Variants in BMPR1B observed in about 807,000 individuals in gnomAD.
BMPR1B encodes the protein bone morphogenetic protein receptor type-1B.
In BMPR1B, 12 loss-of-function variants were observed where a neutral mutation model predicts 59.1. The ratio of observed to expected loss-of-function variants is 0.20; its 90% CI spans 0.13 to 0.33. The LOEUF (loss-of-function observed/expected upper bound fraction) is 0.33. BMPR1B is among the 10% of genes least tolerant of loss of function. The pLI, the probability that BMPR1B is intolerant of heterozygous loss-of-function variation, is 1.00. For synonymous variants in BMPR1B, 237 were observed against 207.3 expected (o/e 1.14, Z -1.23); for missense variants, 550 against 610.9 (o/e 0.90, Z 1.05).
chr4:95,115,200 C>T (rs1356561019), intron 5 of BMPR1B, among the ~76,000 whole-genome samples: 1 of 152,110 alleles, frequency 6.6e-6, no homozygotes, highest in African/African-American at 2.4e-5. Flanking sequence ...ACTCTGTGAT[C>T]TTCTCACAAT....
intron 8 of BMPR1B, 148 bp from the exon 9 acceptor site, chr4:95,129,710 TAATA>T: frequency 5.7e-6 from 4 of 703,828 alleles, no homozygotes; most frequent in South Asian, 3.9e-5. Context: ...TAACATAAAT[TAATA>T]AATAAATACA....
intron 3 of BMPR1B, among the ~76,000 whole-genome samples, chr4:94,998,297 T>C (rs148661093): frequency 2.9e-4 from 44 of 152,228 alleles, no homozygotes; most frequent in African/African-American, 1.0e-3. Flanking sequence ...GCTTGAAATA[T>C]TAATATTAGC....
At chr4:94,850,445 A>G (rs1172247610) in intron 1 of BMPR1B, among the ~76,000 whole-genome samples, 2 of 152,160 alleles carry the variant, frequency 1.3e-5, no homozygotes, top group East Asian at 1.9e-4. Context: ...AATGTAAACA[A>G]TCTTTCAAGA....
chr4:95,114,367 G>C (rs894656933), intron 4 of BMPR1B, among the ~76,000 whole-genome samples: 1 of 151,972 alleles, frequency 6.6e-6, no homozygotes, highest in Non-Finnish European at 1.5e-5. Flanking sequence ...GAGTTTGTCT[G>C]GATTTGTCTG....
chr4:94,957,465 T>C (rs571834063), intron 2 of BMPR1B, among the ~76,000 whole-genome samples: 1 of 151,926 alleles, frequency 6.6e-6, no homozygotes, highest in South Asian at 2.1e-4. Context: ...TAAAATGAGC[T>C]CTATTACTTG....
At chr4:95,145,416 A>G (rs531491932) in intron 10 of BMPR1B, among the ~76,000 whole-genome samples, 11 of 152,204 alleles carry the variant, frequency 7.2e-5, no homozygotes, top group Non-Finnish European at 1.6e-4. Context: ...AAGCTAGTGC[A>G]GAAGGCACCC....
intron 3 of BMPR1B, among the ~76,000 whole-genome samples, chr4:95,041,597 A>G (rs1725656629): frequency 7.2e-6 from 1 of 139,432 alleles, no homozygotes; most frequent in Non-Finnish European, 1.5e-5. Flanking sequence ...GGAGTCCTCC[A>G]TCCACTGAAT....
At chr4:94,966,227 C>T (rs1312140230) in intron 2 of BMPR1B, among the ~76,000 whole-genome samples, 1 of 152,082 alleles carries the variant, frequency 6.6e-6, no homozygotes, top group Non-Finnish European at 1.5e-5. Flanking sequence ...TGGGAATACA[C>T]TGCATGAGAA....
chr4:94,774,226 T>C (rs1392370377), intron 1 of BMPR1B, among the ~76,000 whole-genome samples: 2 of 152,092 alleles, frequency 1.3e-5, no homozygotes, highest in African/African-American at 2.4e-5. Flanking sequence ...AAAATACAAT[T>C]GAGAGGACAG....
At chr4:95,078,923 A>G (rs1303011486) in intron 3 of BMPR1B, among the ~76,000 whole-genome samples, 3 of 151,902 alleles carry the variant, frequency 2.0e-5, no homozygotes, top group African/African-American at 7.3e-5. Flanking sequence ...ACACCTGGTT[A>G]ATTTTTGTAT....
chr4:95,041,043 AT>A (rs568003005), intron 3 of BMPR1B, among the ~76,000 whole-genome samples: 32 of 152,292 alleles, frequency 2.1e-4, no homozygotes, highest in African/African-American at 7.7e-4. Flanking sequence ...TGAGAAAGTT[AT>A]TAAGAATGTA....
At chr4:95,070,571 T>A (rs1000027242) in intron 3 of BMPR1B, among the ~76,000 whole-genome samples, 1 of 152,090 alleles carries the variant, frequency 6.6e-6, no homozygotes, top group South Asian at 2.1e-4. Context: ...TGGTAGTCAG[T>A]TGAGTGTGTT....
chr4:94,764,137 A>G (rs1292819448), intron 1 of BMPR1B, among the ~76,000 whole-genome samples: 1 of 152,028 alleles, frequency 6.6e-6, no homozygotes, highest in African/African-American at 2.4e-5. Flanking sequence ...ATTGGCTTCT[A>G]TGTCAGATAT....
At position 95,155,425 on chromosome 4, in the gene BMPR1B, G is replaced by A. The variant is rs1183178749; in HGVS notation, c.*752G>A. ...CAGATCCACTTCTGTTTCTGATTGA[G>A]TTAGGCATCTCTTTCATGGTAAAAC... On this transcript the variant is annotated 3_prime_UTR_variant, in exon 13 of 13. Coordinates refer to ENST00000515059, the MANE Select transcript of BMPR1B (RefSeq NM_001203.3). The A allele has an allele frequency of 2.2e-5, 3 of 135,286 alleles. No homozygotes were observed. The highest frequency in any genetic ancestry group is 5.4e-5 in the African/African-American group (2 of 36,780). The allele number at this position is 135,286 out of a possible 1,614,324, so 8.4% of individuals were successfully genotyped here. A position where few individuals can be genotyped will look rare whatever the true frequency, so the allele number is the denominator to read the frequency against.
intron 3 of BMPR1B, among the ~76,000 whole-genome samples, chr4:95,053,774 C>T (rs566438871): frequency 6.6e-6 from 1 of 152,162 alleles, no homozygotes; most frequent in Admixed American, 6.5e-5. Context: ...AATTACTCTC[C>T]GTAACTTTCT....
intron 3 of BMPR1B, among the ~76,000 whole-genome samples, chr4:95,082,129 C>G (rs1381317016): frequency 1.8e-5 from 2 of 112,880 alleles, no homozygotes; most frequent in South Asian, 7.8e-4. Context: ...GCTATCCCTC[C>G]CCCCTCCCCC....
rs1243307179 is a variant in BMPR1B at position 95,099,212 on chromosome 4, T to C, written c.-17-5196T>C. ...CAGAGGGGAATACCATCATGAAGAT[T>C]AGCTAGAGAAGTTCCTTCTTGGCTC... On this transcript the variant is annotated intron_variant, in intron 3 of 12. Coordinates refer to ENST00000515059, the MANE Select transcript of BMPR1B (RefSeq NM_001203.3). Among the ~76,000 whole-genome samples, 4 of 152,190 alleles carry C rather than the reference T, an allele frequency of 2.6e-5. No individual in the cohort carries two copies. In the South Asian group the frequency reaches 8.3e-4, roughly 31 times the overall value.
At chr4:94,820,977 G>A (rs2110654258) in intron 1 of BMPR1B, among the ~76,000 whole-genome samples, 1 of 152,288 alleles carries the variant, frequency 6.6e-6, no homozygotes, top group East Asian at 1.9e-4. Context: ...AGCTGTGACA[G>A]GGCATGCCAT....
At chr4:94,860,082 C>T (rs1219813714) in intron 1 of BMPR1B, among the ~76,000 whole-genome samples, 4 of 152,150 alleles carry the variant, frequency 2.6e-5, no homozygotes, top group Non-Finnish European at 5.9e-5. Flanking sequence ...CCCCCATTCT[C>T]TCTTCACAGA....
Sources: allele counts gnomAD v4.1 joint callset (sites outside exome capture counted in the v4.1 genomes callset), GRCh38; gene constraint gnomAD v4.1.1; transcripts MANE v1.5; gene names NCBI Gene and HGNC (gene_info 2026-07-23, HGNC 2026-07-21).